Variants in AP3D1 observed in about 807,000 individuals in gnomAD.
AP3D1 encodes the protein AP-3 complex subunit delta-1.
AP3D1 carries 51 observed loss-of-function variants against 147.6 expected under a neutral mutation model. The ratio of observed to expected loss-of-function variants is 0.35; its 90% CI spans 0.28 to 0.44. The LOEUF (loss-of-function observed/expected upper bound fraction) is 0.44. Among genes scored for constraint, AP3D1 ranks in the 20% least tolerant of loss-of-function variants. The pLI, the probability that AP3D1 is intolerant of heterozygous loss-of-function variation, is 1.00. For missense variants in AP3D1, 1,421 were observed against 1,624.2 expected (o/e 0.87, Z 2.15); for synonymous variants, 760 against 663.0 (o/e 1.15, Z -2.25).
chr19:2,119,456 C>T (rs1261560767), intron 14 of AP3D1, among the ~76,000 whole-genome samples: 6 of 151,180 alleles, frequency 4.0e-5, no homozygotes, highest in South Asian at 2.1e-4. Flanking sequence ...CACTTTGGGA[C>T]GCCGAGGCGG....
intron 1 of AP3D1, among the ~76,000 whole-genome samples, chr19:2,158,023 C>CT (rs989824107): frequency 1.3e-5 from 2 of 151,484 alleles, no homozygotes; most frequent in African/African-American, 2.4e-5. Flanking sequence ...CACATGTGCT[C>CT]TTTTTTTTTC....
At chr19:2,116,124 C>A in intron 18 of AP3D1, 83 bp downstream of exon 18, 1 of 1,412,998 alleles carries the variant, frequency 7.1e-7, no homozygotes, top group Non-Finnish European at 9.9e-7. Context: ...CCTGAGGGAA[C>A]CCGAAACTCA....
intron 1 of AP3D1, among the ~76,000 whole-genome samples, chr19:2,146,813 G>A (rs910965285): frequency 2.0e-5 from 3 of 152,110 alleles, no homozygotes; most frequent in Non-Finnish European, 4.4e-5. Flanking sequence ...AGGGGGGTCA[G>A]GGGCTTTTAA....
rs923302181 is a variant in AP3D1 at position 2,102,364 on chromosome 19, T to TG, written c.3553-97dup. 4.9e-5 allele frequency: 51 copies of TG among 1,044,844 alleles called. No individual in the cohort carries two copies. In the African/African-American group the frequency reaches 7.5e-4, roughly 15 times the overall value. 64.7% of individuals were successfully genotyped at this position (1,044,844 alleles called of 1,614,324 possible). ...ATCCCAGCATTTTGGGAGGCCAAGG[T>TG]GGGTGGATCACCTGAGGTCAGGAGT... On this transcript the variant is annotated intron_variant, in intron 31 of 31. Coordinates refer to ENST00000643116, the MANE Select transcript of AP3D1 (RefSeq NM_001261826.3).
At position 2,137,090 on chromosome 19, in the gene AP3D1, C is replaced by T. The variant is rs908296743; in HGVS notation, c.275G>A (p.Arg92Gln). Reference protein sequence around the residue: ...VMSASKFTFKRIGYLAASQSF... With the variant: ...VMSASKFTFKQIGYLAASQSF... The stretch of plus-strand genomic sequence containing the variant: ...CTGGGAAGCAGCGAGGTAGCCAATT[C>T]GCTGGGAGAGAACAGATGAGCACAT... Residue 92 changes from arginine to glutamine, a missense_variant and splice_region_variant, in exon 4 of 32, where the codon CGA (arginine) becomes CAA (glutamine). Arg to Gln is a conservative substitution (Grantham distance 43, BLOSUM62 1). Coordinates refer to ENST00000643116, the MANE Select transcript of AP3D1 (RefSeq NM_001261826.3). 1.3e-6 allele frequency: 2 copies of T among 1,582,068 alleles called. No homozygotes were observed. The highest frequency in any genetic ancestry group is 2.3e-5 in the South Asian group (2 of 86,432).
At chr19:2,163,491 CTTTT>C (rs34647490) in intron 1 of AP3D1, among the ~76,000 whole-genome samples, 2 of 141,120 alleles carry the variant, frequency 1.4e-5, no homozygotes, top group African/African-American at 5.2e-5. Context: ...CGCGCCTGGC[CTTTT>C]TTTTTTTTTT....
intron 11 of AP3D1, among the ~76,000 whole-genome samples, chr19:2,122,741 G>T (rs1363420479): frequency 6.6e-6 from 1 of 152,186 alleles, no homozygotes. Context: ...GACTGTGTTG[G>T]GGGTACCTGA....
intron 9 of AP3D1, among the ~76,000 whole-genome samples, chr19:2,126,111 C>T (rs1390492919): frequency 6.7e-6 from 1 of 149,482 alleles, no homozygotes; most frequent in Non-Finnish European, 1.5e-5. Flanking sequence ...TCAAGAGAGA[C>T]GGGGTCTCAC....
intron 30 of AP3D1, 42 bp from the exon 31 acceptor site, chr19:2,108,808 T>C (rs1158200724): frequency 2.6e-6 from 4 of 1,544,256 alleles, no homozygotes; most frequent in Admixed American, 2.0e-5. Context: ...GGACATTGCA[T>C]GGCTGCAGCC....
At chr19:2,116,009 GC>G (rs1173492897) in intron 18 of AP3D1, among the ~76,000 whole-genome samples, 197 bp downstream of exon 18, 1 of 152,240 alleles carries the variant, frequency 6.6e-6, no homozygotes, top group Non-Finnish European at 1.5e-5. Flanking sequence ...AGGGAACAGG[GC>G]CCCCCGGCTG....
Position 2,112,882 on chromosome 19 carries a change from G to A in AP3D1, c.2765C>T (p.Ala922Val), listed in dbSNP as rs866374035. The change falls in exon 24 of 32, where the codon GCC (alanine) becomes GTC (valine). Residue 922 changes from alanine to valine, a missense_variant. Physicochemically the swap from Ala to Val is moderately conservative, Grantham distance 64. Transcript: ENST00000643116. ...KTEAQGEEDD[A>V]EGQDQDKKSP... ...CACCTTGTCCTGGTCTTGCCCCTCG[G>A]CATCGTCCTCCTCGCCCTGCGCCTC... 1.2e-5 allele frequency: 19 copies of A among 1,612,584 alleles called. 1 individual carries two copies. In the Middle Eastern group the frequency reaches 2.8e-3, roughly 238 times the overall value.
Position 2,157,973 on chromosome 19 carries a change from C to T in AP3D1, c.-103+6383G>A, listed in dbSNP as rs530670995. ...GGTTGATAAAGGACACATTAGACATCATTCTACAGAAGCATTCATTTAGCA... is the reference window on the plus strand; with the variant it reads ...GGTTGATAAAGGACACATTAGACATTATTCTACAGAAGCATTCATTTAGCA... On this transcript the variant is annotated intron_variant, in intron 1 of 14. Transcript: ENST00000643010. Among the ~76,000 whole-genome samples the T allele has an allele frequency of 3.9e-5, 6 of 152,314 alleles. 1 individual carries two copies. In the South Asian group the frequency reaches 1.2e-3, roughly 32 times the overall value.
rs891895394 is a variant in AP3D1 at position 2,164,341 on chromosome 19, C to A, written c.-103+15G>T. The A allele has an allele frequency of 4.0e-5, 43 of 1,064,268 alleles. No individual in the cohort carries two copies. The East Asian group carries it at 6.7e-4, about 17-fold the overall frequency. The allele number at this position is 1,064,268 out of a possible 1,614,324, so 65.9% of individuals were successfully genotyped here. On this transcript the variant is annotated intron_variant, in intron 1 of 14. Transcript: ENST00000643010. ...GCCCCTGGGGACACCCCAAACCCCC[C>A]CAAGCCGCGCTCACCGGTCCCCCCT...
At chr19:2,104,526 ACCAACACCCAGACC>A (rs2018056264) in intron 31 of AP3D1, among the ~76,000 whole-genome samples, 1 of 143,916 alleles carries the variant, frequency 6.9e-6, no homozygotes, top group Admixed American at 6.9e-5. Flanking sequence ...ATGCCAAGAC[ACCAACACCCAGACC>A]CCAACGCCAA....
intron 23 of AP3D1, 132 bp downstream of exon 23, chr19:2,113,204 G>A: frequency 1.5e-6 from 1 of 650,262 alleles, no homozygotes; most frequent in Non-Finnish European, 2.7e-6. Flanking sequence ...TCCACTCAGT[G>A]CTGGGTCCCA....
At chr19:2,130,740 G>C (rs975449781) in intron 5 of AP3D1, among the ~76,000 whole-genome samples, 2 of 152,228 alleles carry the variant, frequency 1.3e-5, no homozygotes, top group Non-Finnish European at 2.9e-5. Context: ...CTGCCCTCCA[G>C]AGAGAGCCCT....
At chr19:2,116,180 G>A (rs867324726) in intron 18 of AP3D1, 27 bp downstream of exon 18, 1 of 1,610,780 alleles carries the variant, frequency 6.2e-7, no homozygotes, top group Non-Finnish European at 8.5e-7. Context: ...GGGTGCTGAG[G>A]GACAGGCACC....
Position 2,131,515 on chromosome 19 carries a change from C to CTTCCCAGGGAGGAAAGCATG in AP3D1, c.462+955_462+956insCATGCTTTCCTCCCTGGGAA. 8.2e-4 allele frequency among the ~76,000 whole-genome samples: 101 copies of CTTCCCAGGGAGGAAAGCATG among 123,016 alleles called. 4 individuals are homozygous for CTTCCCAGGGAGGAAAGCATG. The highest frequency in any genetic ancestry group is 3.0e-3 in the African/African-American group (97 of 32,210). 80.7% of individuals were successfully genotyped at this position (123,016 alleles called of 152,430 possible). A position where few individuals can be genotyped will look rare whatever the true frequency, so the allele number is the denominator to read the frequency against. On this transcript the variant is annotated intron_variant, in intron 5 of 31. Coordinates refer to ENST00000643116, the MANE Select transcript of AP3D1 (RefSeq NM_001261826.3). Reference sequence around the variant, plus strand: ...GACAGGCAGCCACGAGGGGACAGGGCCCATCGGCCACGATCTAGGCACCCG... The same window carrying CTTCCCAGGGAGGAAAGCATG: ...GACAGGCAGCCACGAGGGGACAGGGCTTCCCAGGGAGGAAAGCATGCCATCGGCCACGATCTAGGCACCCG...
chr19:2,151,783 A>G (rs2019527995), upstream of AP3D1, among the ~76,000 whole-genome samples: 1 of 152,160 alleles, frequency 6.6e-6, no homozygotes, highest in Admixed American at 6.5e-5. Context: ...TGGCCTCCGG[A>G]ACTCCGCCTT....
Sources: gnomAD v4.1 joint callset for allele counts (sites outside exome capture counted in the v4.1 genomes callset) on GRCh38, gnomAD v4.1.1 for gene constraint, MANE v1.5 for transcripts, NCBI Gene and HGNC (gene_info 2026-07-23, HGNC 2026-07-21) for gene names.